CLCNKB: variants seen among roughly 807,000 people sequenced by gnomAD.
The protein encoded by CLCNKB is chloride channel protein ClC-Kb.
Under a neutral mutation model 83.8 loss-of-function variants are expected in CLCNKB, and 74 were observed. The observed-to-expected ratio is 0.88, with a 90% CI of 0.73 to 1.07. The LOEUF is 1.07. Among genes scored for constraint, CLCNKB ranks in the 50% least tolerant of loss-of-function variants. The pLI, the probability that CLCNKB is intolerant of heterozygous loss-of-function variation, is 0.00. For synonymous variants in CLCNKB, 358 were observed against 356.6 expected (o/e 1.00, Z -0.04); for missense variants, 798 against 893.6 (o/e 0.89, Z 1.36).
chr1:16,054,157 A>G (rs371498909), intron 16 of CLCNKB, among the ~76,000 whole-genome samples: 11 of 152,160 alleles, frequency 7.2e-5, no homozygotes, highest in Admixed American at 3.3e-4. Context: ...CTCTTTAGAG[A>G]CAAAAGCATG....
Position 16,047,900 on chromosome 1 carries a change from C to T in CLCNKB, c.359-5C>T. 6.2e-7 allele frequency: 1 copy of T among 1,613,478 alleles called. No individual in the cohort carries two copies. The highest frequency in any genetic ancestry group is 1.3e-5 in the African/African-American group (1 of 75,004). ...CCCCTCCTGGCCCTGCCCACCCCCG[C>T]CAAGGTTCTGGAATCCCGGAGGTGA... On this transcript the variant is annotated splice_region_variant and splice_polypyrimidine_tract_variant and intron_variant, in intron 4 of 19. Coordinates refer to ENST00000375679, the MANE Select transcript of CLCNKB (RefSeq NM_000085.5).
In CLCNKB at chr1:16,055,656, A is replaced by G; in HGVS notation, c.1846-19A>G. ...CTGGGGAGGCCAGCCCTGCACCTGT[A>G]ACCCTTCCCCACCCCCAGCAGTGTC... is the stretch of plus-strand genomic sequence containing the variant. On this transcript the variant is annotated intron_variant, in intron 17 of 19. Coordinates refer to ENST00000375679, the MANE Select transcript of CLCNKB (RefSeq NM_000085.5). The G allele has an allele frequency of 6.2e-7, 1 of 1,613,230 alleles. No individual in the cohort carries two copies. Among genetic ancestry groups the G allele is most frequent in the South Asian group, 1.1e-5 (1 of 91,066 alleles).
rs1184321475 is a variant in CLCNKB, at chr1:16,045,547, C to T, written c.101-11C>T. The T allele has an allele frequency of 6.2e-7, 1 of 1,612,716 alleles. No homozygotes were observed. The highest frequency in any genetic ancestry group is 8.5e-7 in the Non-Finnish European group (1 of 1,179,170). The stretch of plus-strand genomic sequence containing the variant: ...CCCCACCCTGTGCCGTGACCCCATG[C>T]CCTGCCCCAGGTGGCCTGGAGTGGC... On this transcript the variant is annotated splice_polypyrimidine_tract_variant and intron_variant, in intron 2 of 19. Coordinates refer to ENST00000375679, the MANE Select transcript of CLCNKB (RefSeq NM_000085.5).
rs750155699 is a variant in CLCNKB, at chr1:16,052,287, C to T, written c.1498C>T (p.Pro500Ser). Residue 500 changes from proline (P) to serine (S), a missense_variant, in exon 15 of 20, where the codon CCC becomes TCC. Pro to Ser is a moderately conservative substitution (Grantham distance 74, BLOSUM62 -1). Transcript: ENST00000375679. ...EVTGQIVHAL[P>S]VLMAVLAANA... is the part of the protein sequence containing the mutation. ...GACCGGCCAGATAGTGCATGCACTGCCCGTGCTGATGGCGGTGCTGGCAGC... is the reference window on the plus strand; with the variant it reads ...GACCGGCCAGATAGTGCATGCACTGTCCGTGCTGATGGCGGTGCTGGCAGC... The T allele has an allele frequency of 5.6e-6, 9 of 1,613,354 alleles. No homozygotes were observed. In the Admixed American group the frequency reaches 1.2e-4, roughly 21 times the overall value.
Position 16,048,061 on chromosome 1 carries a change from G to A in CLCNKB, c.498+17G>A. The A allele has an allele frequency of 1.9e-6, 3 of 1,609,890 alleles. No individual in the cohort carries two copies. The highest frequency in any genetic ancestry group is 2.5e-6 in the Non-Finnish European group (3 of 1,177,380). ...GGGAAAGTGGTATGGGCAGGGGTGAGGGCATCCCAACCACCCTACCCACCC... is the reference window on the plus strand; with the variant it reads ...GGGAAAGTGGTATGGGCAGGGGTGAAGGCATCCCAACCACCCTACCCACCC... On this transcript the variant is annotated intron_variant, in intron 5 of 19. Coordinates refer to ENST00000375679, the MANE Select transcript of CLCNKB (RefSeq NM_000085.5).
At chr1:16,048,840 C>G (rs1209395041) in intron 7 of CLCNKB, 4 of 1,440,288 alleles carry the variant, frequency 2.8e-6, no homozygotes, top group Non-Finnish European at 3.6e-6. Flanking sequence ...GGCCCGTTGG[C>G]CTCTCTGAGC....
At chr1:16,049,983 T>G (rs2023236103) in intron 10 of CLCNKB, 67 bp downstream of exon 10, 23 of 1,162,744 alleles carry the variant, frequency 2.0e-5, no homozygotes, top group Non-Finnish European at 2.6e-5. Context: ...CCCAACCTTA[T>G]GTAGAAAGCT....
At position 16,048,985 on chromosome 1, in the gene CLCNKB, C is replaced by G. The variant is rs753503431; in HGVS notation, c.656-135C>G. The G allele has an allele frequency of 2.5e-6, 4 of 1,580,220 alleles. No individual in the cohort carries two copies. In the African/African-American group the frequency reaches 5.4e-5, roughly 21 times the overall value. Reference sequence around the variant, plus strand: ...CGCCCAGGGCGCATGCCCTGCCCTCCCCTCCTGTCTGTCCCTGTCCGGGCT... The same window carrying G: ...CGCCCAGGGCGCATGCCCTGCCCTCGCCTCCTGTCTGTCCCTGTCCGGGCT... On this transcript the variant is annotated intron_variant, in intron 7 of 19. Transcript: ENST00000375679.
chr1:16,048,990 C>T, intron 7 of CLCNKB, 130 bp from the exon 8 acceptor site: 1 of 1,586,548 alleles, frequency 6.3e-7, no homozygotes. Context: ...CCCTCCCCTC[C>T]TGTCTGTCCC....
At chr1:16,045,784 G>GTT in intron 3 of CLCNKB, 98 bp downstream of exon 3, 1 of 1,214,658 alleles carries the variant, frequency 8.2e-7, no homozygotes, top group Non-Finnish European at 1.2e-6. Context: ...GAGGTTGGGG[G>GTT]GGGTGCTCTG....
chr1:16,055,336 G>T, intron 16 of CLCNKB, 99 bp from the exon 17 acceptor site: 2 of 965,618 alleles, frequency 2.1e-6, no homozygotes, highest in East Asian at 2.5e-5. Flanking sequence ...TAGCCCCATA[G>T]GAACACCAGA....
chr1:16,045,346 C>T (rs2023067799), intron 2 of CLCNKB, among the ~76,000 whole-genome samples: 1 of 152,200 alleles, frequency 6.6e-6, no homozygotes. Flanking sequence ...GGGCAGCAGT[C>T]CTGGCACCCA....
chr1:16,046,303 G>T (rs1279988448), intron 3 of CLCNKB, among the ~76,000 whole-genome samples: 6 of 152,188 alleles, frequency 3.9e-5, no homozygotes, highest in African/African-American at 1.4e-4. Flanking sequence ...GGAAACTGAG[G>T]CTCAGAGAGG....
rs376171682 is a variant in CLCNKB at position 16,055,440 on chromosome 1, C to T, written c.1762C>T (p.Gln588Ter). 1 of 1,613,446 alleles carries T rather than the reference C, an allele frequency of 6.2e-7. No homozygotes were observed. The highest frequency in any genetic ancestry group is 1.1e-5 in the South Asian group (1 of 91,062). Residue 588 changes from glutamine (Q) to a stop codon, truncating the protein, a stop_gained, in exon 17 of 20, where the codon CAG (glutamine) becomes TAG (stop). Coordinates refer to ENST00000375679, the MANE Select transcript of CLCNKB (RefSeq NM_000085.5). LOFTEE classifies it high-confidence loss of function. ...KYPLVESTESQILVGIVRRAQ... is the reference protein window; with the variant it reads ...KYPLVESTES ...GCTGTCTCTCCACTTGCCAGAGTCC[C>T]AGATCCTGGTGGGCATAGTGCGAAG...
In CLCNKB at chr1:16,050,085, C is replaced by G. The variant is rs545204340; in HGVS notation, c.968+169C>G. On this transcript the variant is annotated intron_variant, in intron 10 of 19. Coordinates refer to ENST00000375679, the MANE Select transcript of CLCNKB (RefSeq NM_000085.5). Reference sequence around the variant, plus strand: ...ACCTACAAGTCCCCACAGTCACTGCCCGACTACCTTACTGGCCTCAAACCT... The same window carrying G: ...ACCTACAAGTCCCCACAGTCACTGCGCGACTACCTTACTGGCCTCAAACCT... 7.2e-5 allele frequency among the ~76,000 whole-genome samples: 11 copies of G among 152,218 alleles called. No individual in the cohort carries two copies. In the South Asian group the frequency reaches 8.3e-4, roughly 11 times the overall value.
At chr1:16,051,935 C>G (rs975231055) in intron 14 of CLCNKB, 115 bp downstream of exon 14, 3 of 927,840 alleles carry the variant, frequency 3.2e-6, no homozygotes, top group Admixed American at 3.9e-5. Context: ...CCAGTGAACC[C>G]CCTACCCCTC....
At chr1:16,048,112 AC>A in intron 5 of CLCNKB, 68 bp downstream of exon 5, 1 of 1,563,920 alleles carries the variant, frequency 6.4e-7, no homozygotes, top group South Asian at 1.2e-5. Flanking sequence ...CACCCCCATC[AC>A]CCCACGAAAG....
chr1:16,051,091 C>T, intron 12 of CLCNKB, 43 bp downstream of exon 12: 1 of 1,610,186 alleles, frequency 6.2e-7, no homozygotes, highest in Non-Finnish European at 8.5e-7. Context: ...CTGGGACCAG[C>T]TCTGGTGGTG....
At position 16,052,471 on chromosome 1, in the gene CLCNKB, G is replaced by T. The variant is rs551066425; in HGVS notation, c.1622+60G>T. 6 of 1,608,770 alleles carry T rather than the reference G, an allele frequency of 3.7e-6. No homozygotes were observed. The African/African-American group carries it at 4.0e-5, about 11-fold the overall frequency. Reference sequence around the variant, plus strand: ...GTCACAGTGTTTGGGAAGGGCTGGGGTGAAGGGCACCTCGAAAAAGAAACG... The same window carrying T: ...GTCACAGTGTTTGGGAAGGGCTGGGTTGAAGGGCACCTCGAAAAAGAAACG... On this transcript the variant is annotated intron_variant, in intron 15 of 19. Coordinates refer to ENST00000375679, the MANE Select transcript of CLCNKB (RefSeq NM_000085.5).
Sources: gnomAD v4.1 joint callset for allele counts (sites outside exome capture counted in the v4.1 genomes callset) on GRCh38, gnomAD v4.1.1 for gene constraint, MANE v1.5 for transcripts, NCBI Gene and HGNC (gene_info 2026-07-23, HGNC 2026-07-21) for gene names.